Variants in GNG3 observed in about 807,000 individuals in gnomAD.
GNG3 encodes G protein subunit gamma 3.
In GNG3, 4 loss-of-function variants were observed where a neutral mutation model predicts 5.6. The ratio of observed to expected loss-of-function variants is 0.71; its 90% CI spans 0.35 to 1.63. GNG3 has a LOEUF of 1.63. Ranked by LOEUF, GNG3 falls within the 40% of genes most tolerant of loss-of-function variation. The pLI is 0.05. For synonymous variants in GNG3, 30 were observed against 33.5 expected, an observed-to-expected ratio of 0.89 and a Z score of 0.36; for missense variants, 62 against 96.6, an observed-to-expected ratio of 0.64 and a Z score of 1.50.
chr11:62,707,243 G>A, upstream of GNG3: 1 of 1,516,584 alleles, frequency 6.6e-7, no homozygotes, highest in Non-Finnish European at 9.0e-7. Context: ...TGAGTCACTT[G>A]TGGCTAAAAC....
At chr11:62,706,659 C>T (rs1017994932), upstream of GNG3, 1 of 476,006 alleles carries the variant, frequency 2.1e-6, no homozygotes, top group African/African-American at 2.0e-5. Context: ...GTGAGGCGGT[C>T]ATCCAGCTGG....
chr11:62,707,280 C>T, upstream of GNG3: 1 of 1,160,156 alleles, frequency 8.6e-7, no homozygotes, highest in Non-Finnish European at 1.3e-6. Context: ...GACGCTGATA[C>T]CTGTGGCGCA....
chr11:62,707,083 C>A (rs983973824), upstream of GNG3: 4 of 1,544,824 alleles, frequency 2.6e-6, no homozygotes, highest in Non-Finnish European at 3.5e-6. Flanking sequence ...TATATTTCTG[C>A]TGACTGTCCC....
chr11:62,708,846 T>C lies in GNG3; in HGVS notation c.*40T>C. ...TCTCACAACTCCTCCCTTTTCCCTCTCCTGGGCCCTTCCTTAGGTCAGTAA... is the reference window on the plus strand; with the variant it reads ...TCTCACAACTCCTCCCTTTTCCCTCCCCTGGGCCCTTCCTTAGGTCAGTAA... On this transcript the variant is annotated 3_prime_UTR_variant, in exon 3 of 3. Transcript: ENST00000294117. 6.7e-7 allele frequency: 1 copy of C among 1,495,634 alleles called. No homozygotes were observed. The allele number at this position is 1,495,634 out of a possible 1,614,324, so 92.6% of individuals were successfully genotyped here. A position where few individuals can be genotyped will look rare whatever the true frequency, so the allele number is the denominator to read the frequency against.
chr11:62,707,772 C>T lies in GNG3; in HGVS notation c.-145C>T. On this transcript the variant is annotated 5_prime_UTR_variant, in exon 1 of 3. Coordinates refer to ENST00000294117, the MANE Select transcript of GNG3 (RefSeq NM_012202.5). Reference sequence around the variant, plus strand: ...CCTCTGGCCTGGCCCTCCCCAGGGGCCTCCTTTCGTATAGTCACTGCTTCT... The same window carrying T: ...CCTCTGGCCTGGCCCTCCCCAGGGGTCTCCTTTCGTATAGTCACTGCTTCT... 3.6e-6 allele frequency: 1 copy of T among 274,104 alleles called. No homozygotes were observed. The highest frequency in any genetic ancestry group is 4.3e-5 in the South Asian group (1 of 23,286). The allele number at this position is 274,104 out of a possible 1,614,324, so 17.0% of individuals were successfully genotyped here.
chr11:62,708,774 C>T lies in GNG3; in HGVS notation c.196C>T (p.Arg66Trp). 6.2e-7 allele frequency: 1 copy of T among 1,614,126 alleles called. No individual in the cohort carries two copies. Among genetic ancestry groups the T allele is most frequent in the Non-Finnish European group, 8.5e-7 (1 of 1,179,980 alleles). Residue 66 changes from arginine (R) to tryptophan (W), a missense_variant, in exon 3 of 3, where the codon CGG (arginine) becomes TGG (tryptophan). Physicochemically the swap from Arg to Trp is moderately radical, Grantham distance 101. Transcript: ENST00000294117. ...TGTGCCCACTTCGGAGAACCCCTTC[C>T]GGGAGAAGAAGTTCTTCTGTGCTCT... Reference protein sequence around the residue: ...TPVPTSENPFREKKFFCALL With the variant: ...TPVPTSENPFWEKKFFCALL
In GNG3 at chr11:62,708,882, C is replaced by A; in HGVS notation, c.*76C>A. ...TCCTTAGGTCAGTAATTGTTGTGAGCCCCTTAGGCTCCTTGCATCCCATCC... is the reference window on the plus strand; with the variant it reads ...TCCTTAGGTCAGTAATTGTTGTGAGACCCTTAGGCTCCTTGCATCCCATCC... On this transcript the variant is annotated 3_prime_UTR_variant, in exon 3 of 3. Coordinates refer to ENST00000294117, the MANE Select transcript of GNG3 (RefSeq NM_012202.5). 1.8e-6 allele frequency: 2 copies of A among 1,134,094 alleles called. No homozygotes were observed. The highest frequency in any genetic ancestry group is 2.6e-6 in the Non-Finnish European group (2 of 758,346). The allele number at this position is 1,134,094 out of a possible 1,614,324, so 70.3% of individuals were successfully genotyped here. A position where few individuals can be genotyped will look rare whatever the true frequency, so the allele number is the denominator to read the frequency against.
chr11:62,707,795 T>G lies in GNG3; in HGVS notation c.-122T>G. Reference sequence around the variant, plus strand: ...GGCCTCCTTTCGTATAGTCACTGCTTCTGCATCAGATACTTTCAGCTGCAA... The same window carrying G: ...GGCCTCCTTTCGTATAGTCACTGCTGCTGCATCAGATACTTTCAGCTGCAA... On this transcript the variant is annotated 5_prime_UTR_variant, in exon 1 of 3. Transcript: ENST00000294117. 1 of 258,246 alleles carries G rather than the reference T, an allele frequency of 3.9e-6. No homozygotes were observed. The highest frequency in any genetic ancestry group is 4.9e-5 in the Admixed American group (1 of 20,228). 16.0% of individuals were successfully genotyped at this position (258,246 alleles called of 1,614,324 possible).
Position 62,708,828 on chromosome 11 carries a change from A to C in GNG3, c.*22A>C, listed in dbSNP as rs749594044. The C allele has an allele frequency of 1.3e-6, 2 of 1,586,418 alleles. No homozygotes were observed. Among genetic ancestry groups the C allele is most frequent in the South Asian group, 2.2e-5 (2 of 90,220 alleles). ...CTGAGCTCCCCTGTCCCTTCTCACA[A>C]CTCCTCCCTTTTCCCTCTCCTGGGC... On this transcript the variant is annotated 3_prime_UTR_variant, in exon 3 of 3. Coordinates refer to ENST00000294117, the MANE Select transcript of GNG3 (RefSeq NM_012202.5).
At chr11:62,708,433 G>C (rs752462745) in intron 2 of GNG3, 39 bp downstream of exon 2, 2 of 1,413,284 alleles carry the variant, frequency 1.4e-6, no homozygotes, top group South Asian at 2.3e-5. Context: ...AGTTGGCCAG[G>C]CTGTGCTGTG....
At chr11:62,707,246 G>C (rs181391402), upstream of GNG3, 95 of 1,501,574 alleles carry the variant, frequency 6.3e-5, no homozygotes, top group Admixed American at 1.4e-4. Flanking sequence ...GTCACTTGTG[G>C]CTAAAACGTG....
Position 62,708,378 on chromosome 11 carries a change from G to A in GNG3, c.83G>A (p.Ser28Asn), listed in dbSNP as rs770085235. The A allele has an allele frequency of 1.9e-6, 3 of 1,612,420 alleles. No individual in the cohort carries two copies. Among genetic ancestry groups the A allele is most frequent in the Admixed American group, 1.7e-5 (1 of 60,012 alleles). Residue 28 changes from serine (S) to asparagine (N), a missense_variant, in exon 2 of 3, where the codon AGC becomes AAC. This residue lies in a region of GNG3 where 58 missense variants were observed against 75.4 expected (regional missense o/e 0.77). Coordinates refer to ENST00000294117, the MANE Select transcript of GNG3 (RefSeq NM_012202.5). ...GTGGAACAGCTTAAGATTGAAGCCA[G>A]CTTGTGTCGGATAAAGGTAGGTGGG... ...KMVEQLKIEASLCRIKVSKAA... is the reference protein window; with the variant it reads ...KMVEQLKIEANLCRIKVSKAA...
At chr11:62,707,567 G>T, upstream of GNG3, 1 of 587,024 alleles carries the variant, frequency 1.7e-6, no homozygotes, top group East Asian at 2.9e-5. Flanking sequence ...CCTGCAATGG[G>T]GGAGGGGCAG....
upstream of GNG3, chr11:62,707,369 T>C: frequency 1.4e-6 from 1 of 723,326 alleles, no homozygotes; most frequent in East Asian, 2.7e-5. Flanking sequence ...TGTGTCAGAG[T>C]AGAGGGAGGA....
At chr11:62,708,531 A>G in intron 2 of GNG3, 137 bp downstream of exon 2, 2 of 1,264,816 alleles carry the variant, frequency 1.6e-6, no homozygotes, top group Non-Finnish European at 1.1e-6. Context: ...CTGTAGAGAG[A>G]GCTGTCCCCA....
At chr11:62,706,652 A>G (rs2083545070), upstream of GNG3, 1 of 474,790 alleles carries the variant, frequency 2.1e-6, no homozygotes, top group Non-Finnish European at 4.4e-6. Context: ...CGGCCGAGTG[A>G]GGCGGTCATC....
chr11:62,707,431 G>C (rs1282918878), upstream of GNG3: 8 of 698,462 alleles, frequency 1.1e-5, no homozygotes, highest in Non-Finnish European at 1.8e-5. Flanking sequence ...AAATGAGCAG[G>C]GTCCCCCGCA....
At chr11:62,707,616 C>T (rs2134749668), upstream of GNG3, 1 of 513,562 alleles carries the variant, frequency 1.9e-6, no homozygotes, top group Non-Finnish European at 3.5e-6. Flanking sequence ...CGCAGGGATG[C>T]AGGCAGCTAG....
In GNG3 at chr11:62,707,681, A is replaced by G. The variant is rs548600576; in HGVS notation, c.-236A>G. The G allele has an allele frequency of 3.8e-5, 15 of 392,774 alleles. 1 individual carries two copies. The East Asian group carries it at 5.6e-4, about 15-fold the overall frequency. The allele number at this position is 392,774 out of a possible 1,614,324, so 24.3% of individuals were successfully genotyped here. ...CTCCAGGATCTGAGCAGCTCCTTCT[A>G]GCATCCTTCATCCTTCAGGTACCAG... On this transcript the variant is annotated 5_prime_UTR_variant, in exon 1 of 3. Coordinates refer to ENST00000294117, the MANE Select transcript of GNG3 (RefSeq NM_012202.5).
Sources: allele counts gnomAD v4.1 joint callset, GRCh38; gene constraint gnomAD v4.1.1; regional missense constraint gnomAD v4.1.1; transcripts MANE v1.5; gene names NCBI Gene and HGNC (gene_info 2026-07-23, HGNC 2026-07-21).